The following TNIK variants were observed in gnomAD, a reference collection of about 807,000 sequenced individuals.
The protein encoded by TNIK is TRAF2 and NCK-interacting protein kinase.
In TNIK, 49 loss-of-function variants were observed where a neutral mutation model predicts 191.3. The ratio of observed to expected loss-of-function variants is 0.26; its 90% CI spans 0.20 to 0.32. The LOEUF (loss-of-function observed/expected upper bound fraction) is 0.32, where lower values mean the gene tolerates loss of function less well. TNIK is among the 10% of genes least tolerant of loss of function. The pLI is 1.00. For synonymous variants in TNIK, 594 were observed against 600.9 expected, an observed-to-expected ratio of 0.99 and a Z score of 0.17; for missense variants, 1,155 against 1,702.3, an observed-to-expected ratio of 0.68 and a Z score of 5.66.
At position 171,158,484 on chromosome 3, in the gene TNIK, T is replaced by C. The variant is rs536329780; in HGVS notation, c.1017-820A>G. Among the ~76,000 whole-genome samples, 261 of 152,368 alleles carry C rather than the reference T, an allele frequency of 1.7e-3. 1 individual carries two copies. Among genetic ancestry groups the C allele is most frequent in the South Asian group, 3.3e-3 (16 of 4,832 alleles). ...TGCTCGCAGGTGAACAACTAAATGT[T>C]ACAGACTCCTTGATTCTGCACAGCA... On this transcript the variant is annotated intron_variant, in intron 11 of 32. Transcript: ENST00000436636.
chr3:171,459,690 A>ACACACAC (rs1560100962), intron 1 of TNIK, among the ~76,000 whole-genome samples: 2 of 151,664 alleles, frequency 1.3e-5, no homozygotes, highest in African/African-American at 4.9e-5. Flanking sequence ...ACACACACAC[A>ACACACAC]CACACACACA....
intron 2 of TNIK, among the ~76,000 whole-genome samples, chr3:171,278,996 A>C (rs1168470698): frequency 1.3e-5 from 2 of 152,238 alleles, no homozygotes; most frequent in Non-Finnish European, 2.9e-5. Context: ...TACCTCAGGC[A>C]GGCTGATGAG....
intron 9 of TNIK, 42 bp from the exon 10 acceptor site, chr3:171,167,312 C>T: frequency 6.3e-7 from 1 of 1,583,554 alleles, no homozygotes; most frequent in Non-Finnish European, 8.6e-7. Flanking sequence ...AAACGGCGAT[C>T]CAAAGAAAAG....
chr3:171,101,519 C>G lies in TNIK; in HGVS notation c.2521G>C (p.Glu841Gln). 1 of 1,613,614 alleles carries G rather than the reference C, an allele frequency of 6.2e-7. No homozygotes were observed. The highest frequency in any genetic ancestry group is 8.5e-7 in the Non-Finnish European group (1 of 1,179,628). ...TCGCTCTCTCCATCTTCCTCCTCTT[C>G]CTCGCTACTTTCTGACTCCTCACTG... Reference protein sequence around the residue: ...SSSEESESSEEEEEDGESETH... With the variant: ...SSSEESESSEQEEEDGESETH... The change falls in exon 22 of 33, where the codon GAA (glutamate) becomes CAA (glutamine). Residue 841 changes from glutamate (E) to glutamine (Q), a missense_variant. Transcript: ENST00000436636.
intron 1 of TNIK, among the ~76,000 whole-genome samples, chr3:171,380,010 AACACAC>A (rs142059726): frequency 1.6e-5 from 2 of 123,184 alleles, no homozygotes; most frequent in African/African-American, 3.0e-5. Context: ...ACTTGGTCAA[AACACAC>A]ACACACACAC....
chr3:171,351,028 C>T (rs2108437901), intron 2 of TNIK, among the ~76,000 whole-genome samples: 1 of 152,166 alleles, frequency 6.6e-6, no homozygotes, highest in African/African-American at 2.4e-5. Flanking sequence ...GTAGCTGGGA[C>T]TACAGGCACG....
At chr3:171,450,757 T>C (rs547418840) in intron 1 of TNIK, among the ~76,000 whole-genome samples, 101 of 152,312 alleles carry the variant, frequency 6.6e-4, no homozygotes, top group African/African-American at 1.9e-3. Flanking sequence ...TAAGATCCCT[T>C]TTAAATGAAT....
chr3:171,117,501 T>TATATATGAGACATATACAC (rs1726925069), intron 18 of TNIK, among the ~76,000 whole-genome samples: 1 of 152,086 alleles, frequency 6.6e-6, no homozygotes, highest in African/African-American at 2.4e-5. Flanking sequence ...AGTAAATACA[T>TATATATGAGACATATACAC]ATATATGAGA....
At chr3:171,113,611 A>G (rs1726210225) in intron 18 of TNIK, among the ~76,000 whole-genome samples, 2 of 136,662 alleles carry the variant, frequency 1.5e-5, no homozygotes, top group South Asian at 2.4e-4. Flanking sequence ...GTCTGTCTCG[A>G]AAAAAAAAAA....
Position 171,159,025 on chromosome 3 carries a change from G to A in TNIK, c.1017-1361C>T, listed in dbSNP as rs192035601. Among the ~76,000 whole-genome samples, 49 of 152,276 alleles carry A rather than the reference G, an allele frequency of 3.2e-4. No individual in the cohort carries two copies. The highest frequency in any genetic ancestry group is 3.4e-3 in the Middle Eastern group (1 of 294). On this transcript the variant is annotated intron_variant, in intron 11 of 32. Coordinates refer to ENST00000436636, the MANE Select transcript of TNIK (RefSeq NM_015028.4). This position sits in a 1 kb window ranked among gnomAD's most constrained non-coding sequence, Gnocchi z 4.1. Reference sequence around the variant, plus strand: ...GAGAGGAGGTCAGAGAGATAGGTGCGGGGCCGCGACAGCCATGCAGGCACG... The same window carrying A: ...GAGAGGAGGTCAGAGAGATAGGTGCAGGGCCGCGACAGCCATGCAGGCACG...
intron 1 of TNIK, among the ~76,000 whole-genome samples, chr3:171,387,293 G>C (rs1229161752): frequency 6.6e-6 from 1 of 152,110 alleles, no homozygotes; most frequent in African/African-American, 2.4e-5. Flanking sequence ...TATTAGTGCA[G>C]AAATTCTCAC....
intron 2 of TNIK, among the ~76,000 whole-genome samples, chr3:171,273,130 T>C (rs2109202709): frequency 6.6e-6 from 1 of 152,276 alleles, no homozygotes; most frequent in East Asian, 1.9e-4. Context: ...CACTGAGACC[T>C]CTGTGCTGCT....
intron 2 of TNIK, among the ~76,000 whole-genome samples, chr3:171,303,427 C>T (rs1753092561): frequency 6.6e-6 from 1 of 152,160 alleles, no homozygotes; most frequent in Non-Finnish European, 1.5e-5. Context: ...TTTCAGGTAT[C>T]AAAGTATCTG....
intron 24 of TNIK, 38 bp from the exon 25 acceptor site, chr3:171,085,267 A>G: frequency 6.5e-7 from 1 of 1,535,282 alleles, no homozygotes. Flanking sequence ...GAGCAGATAA[A>G]TACTGCAGGA....
chr3:171,101,553 G>A lies in TNIK; in HGVS notation c.2487C>T (p.Tyr829=), dbSNP rs1220999048. ...TTTCTGACTCCTCACTGGAGGAGGA[G>A]TAATCAGTCACCTTCTTCATTGGGC... ...TNRPMKKVTD[Y]SSSSEESESS... The change falls in exon 22 of 33, where the codon TAC becomes TAT. Residue 829 remains tyrosine, a synonymous_variant. Coordinates refer to ENST00000436636, the MANE Select transcript of TNIK (RefSeq NM_015028.4). 2 of 1,613,376 alleles carry A rather than the reference G, an allele frequency of 1.2e-6. No homozygotes were observed. Among genetic ancestry groups the A allele is most frequent in the African/African-American group, 1.3e-5 (1 of 74,878 alleles).
intron 12 of TNIK, among the ~76,000 whole-genome samples, chr3:171,140,945 T>A (rs903606413): frequency 2.0e-5 from 3 of 152,206 alleles, no homozygotes; most frequent in African/African-American, 7.2e-5. Flanking sequence ...ATCAGAGCGG[T>A]GAAGTGACAT....
chr3:171,125,715 C>CG (rs1728367814), intron 17 of TNIK, among the ~76,000 whole-genome samples, 197 bp downstream of exon 17: 2 of 152,114 alleles, frequency 1.3e-5, no homozygotes, highest in South Asian at 4.2e-4. Context: ...AGTTTTCTTG[C>CG]GGGGGAAATA....
chr3:171,288,301 T>C (rs1200386438), intron 2 of TNIK, among the ~76,000 whole-genome samples: 1 of 149,130 alleles, frequency 6.7e-6, no homozygotes, highest in African/African-American at 2.5e-5. Context: ...ACATGTACCC[T>C]AAAACTTAAA....
rs756003586 is a variant in TNIK at position 171,159,751 on chromosome 3, T to A, written c.1016+1519A>T. 6.6e-6 allele frequency among the ~76,000 whole-genome samples: 1 copy of A among 152,236 alleles called. No homozygotes were observed. Among genetic ancestry groups the A allele is most frequent in the Non-Finnish European group, 1.5e-5 (1 of 68,040 alleles). On this transcript the variant is annotated intron_variant, in intron 11 of 32. Coordinates refer to ENST00000436636, the MANE Select transcript of TNIK (RefSeq NM_015028.4). This position sits in a 1 kb window ranked among gnomAD's most constrained non-coding sequence, Gnocchi z 4.1. ...CTGTCGCCTCATTTCTAAAATGAGATAACCATTGTCCTTTTCTATTTTTCA... is the reference window on the plus strand; with the variant it reads ...CTGTCGCCTCATTTCTAAAATGAGAAAACCATTGTCCTTTTCTATTTTTCA...
Sources: gnomAD v4.1 joint callset for allele counts (sites outside exome capture counted in the v4.1 genomes callset) on GRCh38, gnomAD v4.1.1 for gene constraint, Gnocchi (gnomAD v3.1) non-coding constraint, MANE v1.5 for transcripts, NCBI Gene and HGNC (gene_info 2026-07-23, HGNC 2026-07-21) for gene names.